Variants in CDH13 observed in about 807,000 individuals in gnomAD.
CDH13 encodes the protein cadherin-13.
In CDH13, 24 loss-of-function variants were observed where a neutral mutation model predicts 63.8. The observed-to-expected ratio is 0.38, with a 90% CI of 0.27 to 0.53. The LOEUF (loss-of-function observed/expected upper bound fraction) is 0.53. CDH13 is among the 20% of genes least tolerant of loss of function. The probability of loss-of-function intolerance (pLI) is 0.85; values close to 1 mark genes in which losing one functional copy is unlikely to be tolerated. For synonymous variants in CDH13, 503 were observed against 355.3 expected, an observed-to-expected ratio of 1.42 and a Z score of -4.67; for missense variants, 1,049 against 903.1, an observed-to-expected ratio of 1.16 and a Z score of -2.07.
intron 6 of CDH13, among the ~76,000 whole-genome samples, chr16:83,368,506 C>T (rs1412491989): frequency 3.9e-5 from 6 of 152,088 alleles, no homozygotes; most frequent in Non-Finnish European, 7.4e-5. Flanking sequence ...TAAAAATTAA[C>T]TCATTTTCTT....
intron 2 of CDH13, among the ~76,000 whole-genome samples, chr16:82,955,147 G>A (rs1417124252): frequency 6.6e-6 from 1 of 152,136 alleles, no homozygotes; most frequent in Non-Finnish European, 1.5e-5. Flanking sequence ...AGAATTGCTA[G>A]GTTATCGGCA....
At chr16:83,446,491 T>C (rs1018465267) in intron 6 of CDH13, among the ~76,000 whole-genome samples, 2 of 152,146 alleles carry the variant, frequency 1.3e-5, no homozygotes, top group African/African-American at 2.4e-5. Flanking sequence ...ATGTAAATTA[T>C]TCCCAGCCGC....
At chr16:83,554,677 A>G (rs1334005959) in intron 7 of CDH13, among the ~76,000 whole-genome samples, 2 of 152,002 alleles carry the variant, frequency 1.3e-5, no homozygotes, top group Admixed American at 6.6e-5. Context: ...ACAACCTTAC[A>G]CACACACACG....
chr16:82,882,747 GTA>G (rs534261626), intron 2 of CDH13, among the ~76,000 whole-genome samples: 622 of 150,768 alleles, frequency 4.1e-3, no homozygotes, highest in Non-Finnish European at 6.3e-3. Flanking sequence ...ACAAAATCTG[GTA>G]TTTAATTTTA....
chr16:83,415,920 A>G (rs1193013010), intron 6 of CDH13, among the ~76,000 whole-genome samples: 1 of 152,228 alleles, frequency 6.6e-6, no homozygotes, highest in East Asian at 1.9e-4. Flanking sequence ...TAGGCAAGAA[A>G]TAGAAACAAA....
intron 2 of CDH13, among the ~76,000 whole-genome samples, chr16:82,997,191 A>G (rs1172440497): frequency 6.6e-6 from 1 of 151,972 alleles, no homozygotes; most frequent in Non-Finnish European, 1.5e-5. Flanking sequence ...GGTGATGTTG[A>G]TGGTAGTGAT....
chr16:83,328,343 G>A (rs2090413090), intron 5 of CDH13, among the ~76,000 whole-genome samples: 1 of 152,154 alleles, frequency 6.6e-6, no homozygotes, highest in African/African-American at 2.4e-5. Context: ...CTATCTTGAA[G>A]AACACCAAGA....
In CDH13 at chr16:83,032,099, G is replaced by C. The variant is rs1390042968; in HGVS notation, c.247G>C (p.Ala83Pro). The C allele has an allele frequency of 1.9e-6, 3 of 1,613,046 alleles. No individual in the cohort carries two copies. The highest frequency in any genetic ancestry group is 2.5e-6 in the Non-Finnish European group (3 of 1,179,614). Reference protein sequence around the residue: ...FKVNSDGGLVALRNITAVGKT... With the variant: ...FKVNSDGGLVPLRNITAVGKT... ...GGTGAACAGCGATGGCGGCTTAGTTGCTCTGAGAAACATAACTGCAGTGGG... is the reference window on the plus strand; with the variant it reads ...GGTGAACAGCGATGGCGGCTTAGTTCCTCTGAGAAACATAACTGCAGTGGG... Residue 83 changes from alanine (A) to proline (P), a missense_variant, in exon 3 of 14, where the codon GCT becomes CCT. Physicochemically the swap from Ala to Pro is conservative, Grantham distance 27. Coordinates refer to ENST00000567109, the MANE Select transcript of CDH13 (RefSeq NM_001257.5).
intron 8 of CDH13, among the ~76,000 whole-genome samples, chr16:83,647,993 C>A (rs1273795386): frequency 1.3e-5 from 2 of 152,180 alleles, no homozygotes; most frequent in African/African-American, 2.4e-5. Flanking sequence ...ACAGCATTAT[C>A]CCAGTTCTTC....
intron 1 of CDH13, among the ~76,000 whole-genome samples, chr16:82,633,474 G>A (rs1007128449): frequency 6.6e-6 from 1 of 152,170 alleles, no homozygotes. Flanking sequence ...CCACCTCCAG[G>A]GTTTAAGCAA....
At chr16:83,686,797 G>A (rs1904346540) in intron 10 of CDH13, among the ~76,000 whole-genome samples, 1 of 152,132 alleles carries the variant, frequency 6.6e-6, no homozygotes, top group Non-Finnish European at 1.5e-5. Context: ...CAAATGTCTG[G>A]AAACAGCCCA....
chr16:83,474,044 A>C (rs1459369486), intron 6 of CDH13, among the ~76,000 whole-genome samples: 1 of 152,194 alleles, frequency 6.6e-6, no homozygotes, highest in East Asian at 1.9e-4. Context: ...CTCTGAGCCC[A>C]TACTCAGCCA....
intron 5 of CDH13, among the ~76,000 whole-genome samples, chr16:83,302,791 G>C (rs780870785): frequency 6.6e-6 from 1 of 152,206 alleles, no homozygotes. Flanking sequence ...ATAAGAGTGG[G>C]AATGTCAGAG....
Position 83,014,167 on chromosome 16 carries a change from C to T in CDH13, c.158-17843C>T, listed in dbSNP as rs578009291. 9.2e-5 allele frequency among the ~76,000 whole-genome samples: 14 copies of T among 151,832 alleles called. No individual in the cohort carries two copies. In the South Asian group the frequency reaches 1.5e-3, roughly 16 times the overall value. On this transcript the variant is annotated intron_variant, in intron 2 of 13. Transcript: ENST00000567109. ...ACACAAAAAAAGGAAATAGAATTGC[C>T]GATATTATAAAACAATCTCTAACCT...
At chr16:83,509,957 G>C (rs2074518318) in intron 7 of CDH13, among the ~76,000 whole-genome samples, 1 of 152,162 alleles carries the variant, frequency 6.6e-6, no homozygotes, top group African/African-American at 2.4e-5. Context: ...AGAGGATTGG[G>C]AGCATGGTAT....
intron 6 of CDH13, among the ~76,000 whole-genome samples, chr16:83,468,700 C>T (rs1311422707): frequency 6.6e-6 from 1 of 152,186 alleles, no homozygotes; most frequent in African/African-American, 2.4e-5. Flanking sequence ...ACCGCCTCTC[C>T]TTCCCTTCTT....
At chr16:83,709,467 C>T (rs1468974540) in intron 10 of CDH13, among the ~76,000 whole-genome samples, 1 of 152,220 alleles carries the variant, frequency 6.6e-6, no homozygotes, top group African/African-American at 2.4e-5. Context: ...TCTAGGGGTG[C>T]CGTGTGTGCA....
chr16:83,707,059 C>G (rs1907187215), intron 10 of CDH13, among the ~76,000 whole-genome samples: 1 of 152,174 alleles, frequency 6.6e-6, no homozygotes, highest in Non-Finnish European at 1.5e-5. Flanking sequence ...GGATAAACAG[C>G]ACATCTACTC....
intron 3 of CDH13, among the ~76,000 whole-genome samples, chr16:83,103,243 CTTTT>C (rs35812420): frequency 3.3e-5 from 3 of 91,210 alleles, no homozygotes; most frequent in Middle Eastern, 0.01. Flanking sequence ...GTTAACTGAA[CTTTT>C]TTTTTTTTTT....
Sources: allele counts gnomAD v4.1 joint callset (sites outside exome capture counted in the v4.1 genomes callset), GRCh38; gene constraint gnomAD v4.1.1; transcripts MANE v1.5; gene names NCBI Gene and HGNC (gene_info 2026-07-23, HGNC 2026-07-21).